Variants in COL26A1 observed in about 807,000 individuals in gnomAD.
COL26A1 encodes collagen alpha-1(XXVI) chain.
Under a neutral mutation model 59.3 loss-of-function variants are expected in COL26A1, and 41 were observed. The ratio of observed to expected loss-of-function variants is 0.69; its 90% CI spans 0.54 to 0.90. The LOEUF (loss-of-function observed/expected upper bound fraction) is 0.90, where lower values mean the gene tolerates loss of function less well. Ranked by LOEUF, COL26A1 falls within the 40% of genes least tolerant of loss-of-function variation. The pLI, the probability that COL26A1 is intolerant of heterozygous loss-of-function variation, is 0.00. For synonymous variants in COL26A1, 266 were observed against 256.0 expected, an observed-to-expected ratio of 1.04 and a Z score of -0.37; for missense variants, 612 against 602.3, an observed-to-expected ratio of 1.02 and a Z score of -0.17.
intron 2 of COL26A1, among the ~76,000 whole-genome samples, chr7:101,445,753 AAG>A: frequency 2.2e-5 from 3 of 137,300 alleles, no homozygotes; most frequent in African/African-American, 8.3e-5. Context: ...AAAAAAAAAA[AAG>A]AGAGTGAGGG....
chr7:101,422,654 T>G (rs1281389662), intron 2 of COL26A1, among the ~76,000 whole-genome samples: 1 of 152,092 alleles, frequency 6.6e-6, no homozygotes, highest in African/African-American at 2.4e-5. Flanking sequence ...TTCTTTCTTT[T>G]TTTTTGGAGA....
intron 2 of COL26A1, among the ~76,000 whole-genome samples, chr7:101,434,981 G>C (rs928084870): frequency 1.3e-5 from 2 of 152,114 alleles, no homozygotes; most frequent in Admixed American, 1.3e-4. Context: ...GCAGAGACCT[G>C]GGGGACTAGG....
chr7:101,374,706 A>C (rs1054982358), intron 1 of COL26A1, among the ~76,000 whole-genome samples: 1 of 152,196 alleles, frequency 6.6e-6, no homozygotes, highest in Non-Finnish European at 1.5e-5. Context: ...TTGATTCTAC[A>C]TGATGGTGAG....
chr7:101,528,459 G>A (rs1795295196), intron 3 of COL26A1, among the ~76,000 whole-genome samples: 1 of 152,014 alleles, frequency 6.6e-6, no homozygotes, highest in Non-Finnish European at 1.5e-5. Flanking sequence ...CAAGGGTGGG[G>A]TGGTGTCTTC....
At chr7:101,390,280 C>T (rs1452717190) in intron 1 of COL26A1, among the ~76,000 whole-genome samples, 4 of 150,878 alleles carry the variant, frequency 2.7e-5, no homozygotes, top group East Asian at 2.0e-4. Context: ...CTCAGCCTCC[C>T]GAGTAGCTGG....
chr7:101,403,371 T>C (rs1300500281), intron 1 of COL26A1, among the ~76,000 whole-genome samples: 2 of 151,774 alleles, frequency 1.3e-5, no homozygotes, highest in South Asian at 2.1e-4. Flanking sequence ...ATACAAAAAT[T>C]AGTGGGGTGT....
chr7:101,459,466 A>AT (rs71286269), intron 3 of COL26A1, among the ~76,000 whole-genome samples: 19,751 of 136,006 alleles, frequency 0.15, 1,671 homozygotes, highest in African/African-American at 0.21. Flanking sequence ...CACCCGGCTA[A>AT]TTTTTTTTTT....
At chr7:101,411,518 G>A (rs945811899) in intron 1 of COL26A1, among the ~76,000 whole-genome samples, 1 of 152,146 alleles carries the variant, frequency 6.6e-6, no homozygotes, top group African/African-American at 2.4e-5. Context: ...CCGTAAGGAG[G>A]CAGGGAAGGG....
At position 101,368,978 on chromosome 7, in the gene COL26A1, G is replaced by A. The variant is rs186844639; in HGVS notation, c.158+5788G>A. Among the ~76,000 whole-genome samples the A allele has an allele frequency of 3.2e-4, 43 of 133,880 alleles. No individual in the cohort carries two copies. The East Asian group carries it at 5.8e-3, about 18-fold the overall frequency. 87.8% of individuals were successfully genotyped at this position (133,880 alleles called of 152,430 possible). ...TGTGTGTGTATGTGTGTGTGTGAGC[G>A]TAACAGTGTGTATGAGTATGTGTGT... On this transcript the variant is annotated intron_variant, in intron 1 of 12. Coordinates refer to ENST00000313669, the MANE Select transcript of COL26A1 (RefSeq NM_001278563.3).
Position 101,557,519 on chromosome 7 carries a change from A to C in COL26A1, c.1315A>C (p.Ser439Arg). The C allele has an allele frequency of 5.0e-6, 8 of 1,607,964 alleles. No homozygotes were observed. Among genetic ancestry groups the C allele is most frequent in the Non-Finnish European group, 6.8e-6 (8 of 1,175,554 alleles). The change falls in exon 13 of 13, where the codon AGC becomes CGC. Residue 439 changes from serine (S) to arginine (R), a missense_variant. Physicochemically the swap from Ser to Arg is moderately radical, Grantham distance 110 (BLOSUM62 -1). Transcript: ENST00000313669. ...ACAGAAGAGCGTGGACCAGGCCAGC[A>C]GCAGGAAGTGAGAGCCCACTGCTCC... is the stretch of plus-strand genomic sequence containing the variant. ...PGQKSVDQAS[S>R]RK
Position 101,500,244 on chromosome 7 carries a change from G to A in COL26A1, c.386-32838G>A, listed in dbSNP as rs187136846. Among the ~76,000 whole-genome samples, 12 of 147,314 alleles carry A rather than the reference G, an allele frequency of 8.1e-5. 1 individual carries two copies. Among genetic ancestry groups the A allele is most frequent in the Middle Eastern group, 7.4e-3 (2 of 270 alleles). On this transcript the variant is annotated intron_variant, in intron 3 of 12. Transcript: ENST00000313669. ...GGGTTGAAGCGGGGATTGCCGGGAG[G>A]GGGGGCAAGTTGAGCAGGACATCTG...
intron 5 of COL26A1, among the ~76,000 whole-genome samples, chr7:101,543,487 TC>T (rs763964297): frequency 1.3e-5 from 2 of 152,080 alleles, no homozygotes; most frequent in African/African-American, 4.8e-5. Flanking sequence ...GAAAAGGCTG[TC>T]CCCTGGCCAC....
chr7:101,499,112 G>A (rs1794648159), intron 3 of COL26A1, among the ~76,000 whole-genome samples: 1 of 152,210 alleles, frequency 6.6e-6, no homozygotes, highest in African/African-American at 2.4e-5. Context: ...TGGGGAGGGG[G>A]AGGCCGCAAG....
intron 3 of COL26A1, among the ~76,000 whole-genome samples, chr7:101,525,168 AT>A (rs1795215617): frequency 1.7e-5 from 2 of 115,522 alleles, no homozygotes; most frequent in African/African-American, 6.8e-5. Context: ...GTTTGACTTC[AT>A]TCTTTTTTTT....
chr7:101,414,506 C>T (rs572647177), intron 1 of COL26A1, among the ~76,000 whole-genome samples: 3 of 151,982 alleles, frequency 2.0e-5, no homozygotes, highest in East Asian at 1.9e-4. Context: ...GGCACGAACT[C>T]GGCTCACTGC....
At chr7:101,441,287 G>T (rs745901732) in intron 2 of COL26A1, among the ~76,000 whole-genome samples, 2 of 152,162 alleles carry the variant, frequency 1.3e-5, no homozygotes, top group Non-Finnish European at 2.9e-5. Context: ...TCAGTACACT[G>T]TGAGTCTGCA....
At chr7:101,372,949 C>T (rs1010689125) in intron 1 of COL26A1, among the ~76,000 whole-genome samples, 1 of 152,294 alleles carries the variant, frequency 6.6e-6, no homozygotes, top group East Asian at 1.9e-4. Context: ...GAACTATGAT[C>T]GTGCCACTGC....
At chr7:101,547,278 TC>T (rs757704759) in intron 8 of COL26A1, 39 bp downstream of exon 8, 3 of 1,430,726 alleles carry the variant, frequency 2.1e-6, no homozygotes, top group Non-Finnish European at 2.9e-6. Flanking sequence ...GAGGACTCCA[TC>T]CCCCCAGGGC....
chr7:101,376,180 T>A (rs1304887265), intron 1 of COL26A1, among the ~76,000 whole-genome samples: 1 of 148,240 alleles, frequency 6.7e-6, no homozygotes, highest in Non-Finnish European at 1.5e-5. Context: ...GGTGTGGTGT[T>A]GAATGCTTAT....
Sources: gnomAD v4.1 joint callset for allele counts (sites outside exome capture counted in the v4.1 genomes callset) on GRCh38, gnomAD v4.1.1 for gene constraint, MANE v1.5 for transcripts, NCBI Gene and HGNC (gene_info 2026-07-23, HGNC 2026-07-21) for gene names.